Variants in CAST observed in about 807,000 individuals in gnomAD.
CAST encodes calpastatin, also known as MIR583 host.
A neutral mutation model predicts 119.6 loss-of-function variants in CAST; 76 were observed. That is an observed-to-expected ratio of 0.64 (90% confidence interval 0.53 to 0.77). CAST has a LOEUF of 0.77. CAST is among the 30% of genes least tolerant of loss of function. The pLI is 0.00. For synonymous variants in CAST, 319 were observed against 331.6 expected (o/e 0.96, Z 0.41); for missense variants, 953 against 946.5 (o/e 1.01, Z -0.09).
chr5:96,529,314 A>T (rs1039156767), upstream of CAST, among the ~76,000 whole-genome samples: 5 of 152,130 alleles, frequency 3.3e-5, no homozygotes, highest in African/African-American at 1.2e-4. Context: ...ATGCCAGTTA[A>T]AAGGTACTCA....
At chr5:96,012,837 G>A in the CAST span, among the ~76,000 whole-genome samples, 1 of 152,062 alleles carries the variant, frequency 6.6e-6, no homozygotes, top group Non-Finnish European at 1.5e-5. Context: ...CATTTTTTTA[G>A]CATAGGACTT....
rs192289861 is a variant in CAST at position 96,618,745 on chromosome 5, C to A, written c.61-56794C>A. 6.8e-3 allele frequency among the ~76,000 whole-genome samples: 1,038 copies of A among 152,342 alleles called. 11 individuals carry two copies. The highest frequency in any genetic ancestry group is 0.024 in the African/African-American group (987 of 41,580). ...ATTCTTGCCGGGCCTCAGCTGCCTC[C>A]CTGCAGGGCAGGGCTCGGGACCTGC... is the stretch of plus-strand genomic sequence containing the variant. On this transcript the variant is annotated intron_variant, in intron 1 of 11. Coordinates refer to the CAST transcript ENST00000505143.
At chr5:96,370,493 A>G in the CAST span, among the ~76,000 whole-genome samples, 1 of 152,242 alleles carries the variant, frequency 6.6e-6, no homozygotes, top group East Asian at 1.9e-4. Flanking sequence ...GAGCTGCCAA[A>G]CACCCCTTCA....
intron 3 of CAST, among the ~76,000 whole-genome samples, chr5:96,700,582 G>A (rs1249175713): frequency 6.6e-6 from 1 of 152,116 alleles, no homozygotes; most frequent in East Asian, 1.9e-4. Context: ...TGCTGCTTTG[G>A]CAACCACATT....
chr5:96,184,777 C>A, the CAST span, among the ~76,000 whole-genome samples: 1 of 152,126 alleles, frequency 6.6e-6, no homozygotes, highest in African/African-American at 2.4e-5. Flanking sequence ...TAGGTTGATT[C>A]CATGCCTTTG....
the CAST span, among the ~76,000 whole-genome samples, chr5:96,018,296 G>C: frequency 8.5e-5 from 13 of 152,150 alleles, no homozygotes; most frequent in Non-Finnish European, 1.6e-4. Flanking sequence ...ACTATCAGAA[G>C]AACAAACCTC....
At chr5:96,735,522 A>G (rs1761451024) in intron 9 of CAST, among the ~76,000 whole-genome samples, 1 of 152,228 alleles carries the variant, frequency 6.6e-6, no homozygotes, top group Non-Finnish European at 1.5e-5. Context: ...CCAAAGTAAA[A>G]GAGATGCCAG....
At chr5:96,076,789 T>G in the CAST span, among the ~76,000 whole-genome samples, 1 of 152,158 alleles carries the variant, frequency 6.6e-6, no homozygotes, top group African/African-American at 2.4e-5. Context: ...TTTTTCTCCT[T>G]GTATTTAGAT....
chr5:96,562,325 CA>C (rs1217878001), intron 1 of CAST, among the ~76,000 whole-genome samples: 2 of 151,998 alleles, frequency 1.3e-5, no homozygotes, highest in African/African-American at 4.8e-5. Context: ...TTATCAAAAT[CA>C]CATGAATAAT....
At position 96,762,191 on chromosome 5, in the gene CAST, T is replaced by G. The variant is rs27980; in HGVS notation, c.1834-83T>G. ...GAGAATAAACAGTCATTAAGCTATCTTTAAGAGTTATAGTTAAGTGATGGC... is the reference window on the plus strand; with the variant it reads ...GAGAATAAACAGTCATTAAGCTATCGTTAAGAGTTATAGTTAAGTGATGGC... On this transcript the variant is annotated intron_variant, in intron 24 of 31. Coordinates refer to ENST00000675179, the MANE Select transcript of CAST (RefSeq NM_001750.7). 0.35 allele frequency: 266,787 copies of G among 756,206 alleles called. 49,459 individuals carry two copies. The highest frequency in any genetic ancestry group is 0.58 in the East Asian group (20,358 of 35,250). 46.8% of individuals were successfully genotyped at this position (756,206 alleles called of 1,614,324 possible). A position where few individuals can be genotyped will look rare whatever the true frequency, so the allele number is the denominator to read the frequency against.
chr5:96,512,151 A>G, the CAST span, among the ~76,000 whole-genome samples: 1 of 152,262 alleles, frequency 6.6e-6, no homozygotes, highest in African/African-American at 2.4e-5. Flanking sequence ...TAAATGAACA[A>G]TCACTGTATA....
At chr5:96,702,029 CT>C (rs1753969986) in intron 3 of CAST, among the ~76,000 whole-genome samples, 1 of 152,148 alleles carries the variant, frequency 6.6e-6, no homozygotes, top group South Asian at 2.1e-4. Flanking sequence ...TTTCATGCCA[CT>C]GGCCATCATT....
chr5:96,520,720 A>G (rs530782342), upstream of CAST, among the ~76,000 whole-genome samples: 2 of 152,244 alleles, frequency 1.3e-5, no homozygotes, highest in South Asian at 4.1e-4. Flanking sequence ...ATGTCTAACT[A>G]TCTGGTTATG....
chr5:96,295,149 TTTG>T, the CAST span, among the ~76,000 whole-genome samples: 2 of 152,188 alleles, frequency 1.3e-5, no homozygotes, highest in African/African-American at 2.4e-5. Flanking sequence ...TGGAAATAAC[TTTG>T]TTTTTTTCAT....
the CAST span, among the ~76,000 whole-genome samples, chr5:96,517,987 T>G: frequency 6.6e-6 from 1 of 152,208 alleles, no homozygotes; most frequent in Non-Finnish European, 1.5e-5. Context: ...ACAAAGAAAC[T>G]GAAACATAGA....
the CAST span, among the ~76,000 whole-genome samples, chr5:96,310,217 A>T: frequency 0.025 from 3,750 of 152,282 alleles, 166 homozygotes; most frequent in African/African-American, 0.085. Flanking sequence ...CATTCTGTTA[A>T]TGTAGTCTAT....
chr5:96,552,647 TCAA>T (rs773236047), intron 1 of CAST, among the ~76,000 whole-genome samples: 99 of 152,074 alleles, frequency 6.5e-4, no homozygotes, highest in Non-Finnish European at 1.1e-3. Context: ...TTTGAAAAGA[TCAA>T]CAAAATAGAC....
upstream of CAST, chr5:96,662,231 G>A (rs1748602354): frequency 1.7e-6 from 1 of 593,750 alleles, no homozygotes; most frequent in Non-Finnish European, 2.6e-6. Flanking sequence ...CGGGCAGGAA[G>A]GGGAGGGCCC....
the CAST span, among the ~76,000 whole-genome samples, chr5:96,499,339 T>TTTCG: frequency 7.2e-5 from 11 of 152,242 alleles, no homozygotes; most frequent in Non-Finnish European, 1.5e-4. Flanking sequence ...TCACAAGAAC[T>TTTCG]TTCGTTTCCA....
Sources: gnomAD v4.1 joint callset for allele counts (sites outside exome capture counted in the v4.1 genomes callset) on GRCh38, gnomAD v4.1.1 for gene constraint, MANE v1.5 for transcripts, NCBI Gene and HGNC (gene_info 2026-07-23, HGNC 2026-07-21) for gene names.